Variants in STRBP observed in about 807,000 individuals in gnomAD.
STRBP encodes the protein spermatid perinuclear RNA-binding protein.
In STRBP, 13 loss-of-function variants were observed where a neutral mutation model predicts 80.1. The observed-to-expected ratio is 0.16, with a 90% CI of 0.11 to 0.26. The LOEUF is 0.26. Ranked by LOEUF, STRBP falls within the 10% of genes least tolerant of loss-of-function variation. The pLI, the probability that STRBP is intolerant of heterozygous loss-of-function variation, is 1.00. For missense variants in STRBP, 485 were observed against 815.2 expected (o/e 0.59, Z 4.93); for synonymous variants, 284 against 291.2 (o/e 0.98, Z 0.25).
intron 1 of STRBP, among the ~76,000 whole-genome samples, chr9:123,251,507 A>AT (rs1028113759): frequency 1.6e-4 from 24 of 152,188 alleles, no homozygotes; most frequent in Non-Finnish European, 2.4e-4. Flanking sequence ...GGTAACCTTC[A>AT]TAATACCGGA....
chr9:123,227,283 G>T (rs573401051), intron 2 of STRBP, among the ~76,000 whole-genome samples: 1 of 152,290 alleles, frequency 6.6e-6, no homozygotes, highest in Non-Finnish European at 1.5e-5. Flanking sequence ...TACTGAATAT[G>T]GTGAGCTTTG....
intron 13 of STRBP, among the ~76,000 whole-genome samples, chr9:123,140,246 T>G (rs1294358094): frequency 6.6e-6 from 1 of 152,210 alleles, no homozygotes; most frequent in Non-Finnish European, 1.5e-5. Flanking sequence ...AATTACAAAA[T>G]AACATCTAAA....
At chr9:123,189,464 T>G (rs913732020) in intron 2 of STRBP, among the ~76,000 whole-genome samples, 6 of 121,834 alleles carry the variant, frequency 4.9e-5, no homozygotes, top group Admixed American at 4.9e-4. Flanking sequence ...AGTATAATAA[T>G]AATAAAAAAA....
chr9:123,183,020 A>AC (rs2038547939), intron 3 of STRBP, among the ~76,000 whole-genome samples: 1 of 23,512 alleles, frequency 4.3e-5, no homozygotes, highest in Non-Finnish European at 9.6e-5. Context: ...GTCTCAAAAA[A>AC]AAAAAAAAAA....
In STRBP at chr9:123,136,336, G is replaced by T. The variant is rs759150100; in HGVS notation, c.1632+45C>A. 1.9e-6 allele frequency: 3 copies of T among 1,609,930 alleles called. No homozygotes were observed. Among genetic ancestry groups the T allele is most frequent in the South Asian group, 1.1e-5 (1 of 90,494 alleles). On this transcript the variant is annotated intron_variant, in intron 15 of 18. Coordinates refer to ENST00000348403, the MANE Select transcript of STRBP (RefSeq NM_018387.5). The surrounding 1 kb of genome is among the most constrained non-coding windows in gnomAD (Gnocchi z 4.2). ...TTACATTAAGTTCAGGATATCCTAT[G>T]TCTTTGAGAAGAAAGATAAGGCTGG...
At chr9:123,156,236 A>G (rs1047755029) in intron 11 of STRBP, among the ~76,000 whole-genome samples, 1 of 152,158 alleles carries the variant, frequency 6.6e-6, no homozygotes, top group Non-Finnish European at 1.5e-5. Flanking sequence ...ATTTTTATTC[A>G]ATCATTCAAT....
chr9:123,149,849 T>C (rs1208603563), intron 11 of STRBP, among the ~76,000 whole-genome samples: 2 of 152,162 alleles, frequency 1.3e-5, no homozygotes, highest in African/African-American at 4.8e-5. Flanking sequence ...AAACAAGAAA[T>C]ATTAATTGAC....
intron 2 of STRBP, among the ~76,000 whole-genome samples, chr9:123,216,990 G>T (rs1369447027): frequency 1.3e-5 from 2 of 152,152 alleles, no homozygotes; most frequent in Admixed American, 6.5e-5. Context: ...ACAATTTTAA[G>T]TGCCCTCAAG....
intron 1 of STRBP, among the ~76,000 whole-genome samples, chr9:123,254,652 T>C (rs976746930): frequency 1.3e-5 from 2 of 151,870 alleles, no homozygotes; most frequent in Admixed American, 6.6e-5. Context: ...TGAAATAAAA[T>C]TGCCAAGATT....
chr9:123,171,344 C>G (rs1013933601), intron 5 of STRBP, among the ~76,000 whole-genome samples: 58 of 152,210 alleles, frequency 3.8e-4, no homozygotes, highest in African/African-American at 1.2e-3. Context: ...AAGGTAAAAC[C>G]TCAGCTAACT....
At chr9:123,209,742 G>A (rs192304027) in intron 2 of STRBP, among the ~76,000 whole-genome samples, 4 of 152,106 alleles carry the variant, frequency 2.6e-5, no homozygotes, top group African/African-American at 9.7e-5. Context: ...ATACAATGTT[G>A]ATAAGCAGAA....
intron 3 of STRBP, chr9:123,114,822 TC>T (rs2035620372): frequency 4.1e-6 from 1 of 241,044 alleles, no homozygotes; most frequent in Non-Finnish European, 8.8e-6. Flanking sequence ...GTGCTATTGT[TC>T]CTTGGCCCAG....
intron 17 of STRBP, 42 bp from the exon 18 acceptor site, chr9:123,128,300 G>A (rs2132300600): frequency 6.2e-7 from 1 of 1,612,890 alleles, no homozygotes; most frequent in South Asian, 1.1e-5. Flanking sequence ...CAAGACCCAG[G>A]GCAATCATCA....
intron 1 of STRBP, among the ~76,000 whole-genome samples, chr9:123,260,468 C>A (rs528763198): frequency 1.3e-5 from 2 of 152,130 alleles, no homozygotes; most frequent in African/African-American, 4.8e-5. Flanking sequence ...GAGGCATTAT[C>A]TTTATGTTAC....
At chr9:123,252,099 A>G (rs1452886590) in intron 1 of STRBP, among the ~76,000 whole-genome samples, 2 of 152,174 alleles carry the variant, frequency 1.3e-5, no homozygotes, top group Non-Finnish European at 2.9e-5. Flanking sequence ...AGAAAAAGGA[A>G]AAGTTGCAGG....
intron 5 of STRBP, among the ~76,000 whole-genome samples, chr9:123,173,406 G>GA (rs1467637875): frequency 6.6e-6 from 1 of 152,008 alleles, no homozygotes; most frequent in Non-Finnish European, 1.5e-5. Context: ...ACCTAGCCTG[G>GA]AAAAAATGAA....
Position 123,152,106 on chromosome 9 carries a change from A to G in STRBP, c.1046-4236T>C, listed in dbSNP as rs57497246. 9.1e-3 allele frequency among the ~76,000 whole-genome samples: 1,384 copies of G among 152,300 alleles called. 36 individuals carry two copies. The highest frequency in any genetic ancestry group is 0.08 in the East Asian group (416 of 5,182). On this transcript the variant is annotated intron_variant, in intron 11 of 18. Coordinates refer to ENST00000348403, the MANE Select transcript of STRBP (RefSeq NM_018387.5). ...AAACATAGCTTACCAAAACTGTCCTAAGAAGATGGAAGTCCTATGCTTATT... is the reference window on the plus strand; with the variant it reads ...AAACATAGCTTACCAAAACTGTCCTGAGAAGATGGAAGTCCTATGCTTATT...
chr9:123,229,354 A>G (rs1342545461), intron 2 of STRBP, among the ~76,000 whole-genome samples: 3 of 152,218 alleles, frequency 2.0e-5, no homozygotes, highest in Non-Finnish European at 4.4e-5. Flanking sequence ...TATCTCAATA[A>G]AGAAATAGAA....
At chr9:123,166,270 T>G (rs1420333740) in intron 6 of STRBP, among the ~76,000 whole-genome samples, 1 of 152,262 alleles carries the variant, frequency 6.6e-6, no homozygotes, top group Non-Finnish European at 1.5e-5. Flanking sequence ...TTATTTTCAC[T>G]GTTACGGCAG....
Sources: allele counts gnomAD v4.1 joint callset (sites outside exome capture counted in the v4.1 genomes callset), GRCh38; gene constraint gnomAD v4.1.1; non-coding constraint Gnocchi (gnomAD v3.1); transcripts MANE v1.5; gene names NCBI Gene and HGNC (gene_info 2026-07-23, HGNC 2026-07-21).